RGS7: variants seen among roughly 807,000 people sequenced by gnomAD.
RGS7 encodes the protein regulator of G protein signaling 7, also known as regulator of G-protein signaling 7.
A neutral mutation model predicts 81.1 loss-of-function variants in RGS7; 27 were observed. The observed-to-expected ratio is 0.33, with a 90% CI of 0.25 to 0.46. RGS7 has a LOEUF of 0.46. Among genes scored for constraint, RGS7 ranks in the 20% least tolerant of loss-of-function variants. The pLI is 1.00. For missense variants in RGS7, 396 were observed against 607.4 expected (o/e 0.65, Z 3.66); for synonymous variants, 208 against 207.7 (o/e 1.00, Z -0.01).
chr1:240,921,844 T>C (rs1673598528), intron 6 of RGS7, among the ~76,000 whole-genome samples: 2 of 152,060 alleles, frequency 1.3e-5, no homozygotes, highest in South Asian at 4.1e-4. Context: ...GACCTGTGAA[T>C]TCAATGCAAT....
chr1:240,870,571 C>A (rs1664304741), intron 6 of RGS7, among the ~76,000 whole-genome samples: 1 of 152,088 alleles, frequency 6.6e-6, no homozygotes, highest in Admixed American at 6.6e-5. Flanking sequence ...TGGTCTTGAA[C>A]TCCTGGGCTC....
At chr1:241,237,785 G>A in intron 2 of RGS7, among the ~76,000 whole-genome samples, 1 of 152,254 alleles carries the variant, frequency 6.6e-6, no homozygotes, top group Middle Eastern at 3.4e-3. Flanking sequence ...ACAGGATAAA[G>A]CCTCCAGACA....
chr1:240,920,542 A>G (rs543317203), intron 6 of RGS7: 4 of 853,436 alleles, frequency 4.7e-6, no homozygotes. Flanking sequence ...TACTTTGTCA[A>G]ACCATGAAAC....
chr1:240,975,065 T>C (rs190698517), intron 4 of RGS7, among the ~76,000 whole-genome samples: 36 of 152,034 alleles, frequency 2.4e-4, no homozygotes, highest in Non-Finnish European at 4.0e-4. Flanking sequence ...CATGGGATGA[T>C]GGAGAGAAGG....
chr1:241,053,724 T>C (rs1021869039), intron 3 of RGS7, among the ~76,000 whole-genome samples: 1 of 152,222 alleles, frequency 6.6e-6, no homozygotes, highest in East Asian at 1.9e-4. Context: ...AATTCCCACA[T>C]GTTGTGGGAG....
At chr1:241,100,676 C>A (rs998922516) in intron 2 of RGS7, among the ~76,000 whole-genome samples, 7 of 152,136 alleles carry the variant, frequency 4.6e-5, no homozygotes, top group African/African-American at 1.7e-4. Flanking sequence ...GTAATAATTT[C>A]TTCATAGCGT....
At chr1:240,944,280 GTGTATATA>G (rs57279143) in intron 4 of RGS7, among the ~76,000 whole-genome samples, 19 of 21,170 alleles carry the variant, frequency 9.0e-4, no homozygotes, top group Admixed American at 1.8e-3. Flanking sequence ...GTGTGTGTGT[GTGTATATA>G]TATATATATA....
intron 10 of RGS7, among the ~76,000 whole-genome samples, chr1:240,824,022 A>G (rs1692324421): frequency 6.6e-6 from 1 of 152,164 alleles, no homozygotes; most frequent in Non-Finnish European, 1.5e-5. Flanking sequence ...ATTTTTACCT[A>G]TTTCCTTATA....
chr1:241,187,095 G>T (rs1209227559), intron 2 of RGS7, among the ~76,000 whole-genome samples: 1 of 151,892 alleles, frequency 6.6e-6, no homozygotes, highest in Non-Finnish European at 1.5e-5. Flanking sequence ...GTACTGAAAA[G>T]GTTATAATCA....
chr1:241,344,531 A>G (rs1020840279), intron 2 of RGS7, among the ~76,000 whole-genome samples: 1 of 152,232 alleles, frequency 6.6e-6, no homozygotes, highest in Non-Finnish European at 1.5e-5. Context: ...TCAGACTCAC[A>G]GAGGTAAAGT....
At chr1:241,169,336 C>CTTT (rs57753661) in intron 2 of RGS7, among the ~76,000 whole-genome samples, 15 of 74,270 alleles carry the variant, frequency 2.0e-4, no homozygotes, top group Non-Finnish European at 3.1e-4. Context: ...ATGTGTGTTT[C>CTTT]TTTTTTTTTT....
intron 2 of RGS7, among the ~76,000 whole-genome samples, chr1:241,223,241 A>C (rs1212846382): frequency 6.6e-6 from 1 of 152,208 alleles, no homozygotes; most frequent in Non-Finnish European, 1.5e-5. Flanking sequence ...GCTGGCAGCT[A>C]TAACAGTCAC....
chr1:241,100,808 C>A (rs2064682055), intron 2 of RGS7, among the ~76,000 whole-genome samples: 1 of 152,224 alleles, frequency 6.6e-6, no homozygotes, highest in Non-Finnish European at 1.5e-5. Flanking sequence ...TCCATGCACA[C>A]CCACGATATC....
At chr1:240,894,166 A>G (rs1365448408) in intron 6 of RGS7, among the ~76,000 whole-genome samples, 2 of 152,172 alleles carry the variant, frequency 1.3e-5, no homozygotes, top group Non-Finnish European at 2.9e-5. Flanking sequence ...AATTTTGGAG[A>G]TAGGCTACGT....
intron 2 of RGS7, among the ~76,000 whole-genome samples, chr1:241,284,844 T>C (rs1295156385): frequency 6.6e-6 from 1 of 152,044 alleles, no homozygotes; most frequent in Non-Finnish European, 1.5e-5. Flanking sequence ...TATCCAAAAG[T>C]TTCTGTCTTT....
chr1:241,101,778 C>CT (rs572624136), intron 2 of RGS7, among the ~76,000 whole-genome samples: 144 of 152,306 alleles, frequency 9.5e-4, no homozygotes, highest in African/African-American at 3.4e-3. Context: ...GTATTATCTG[C>CT]TTAACGGTTT....
chr1:240,821,036 G>A (rs996268050), intron 10 of RGS7, among the ~76,000 whole-genome samples: 2 of 152,172 alleles, frequency 1.3e-5, no homozygotes, highest in African/African-American at 4.8e-5. Flanking sequence ...GAGGAAGTCA[G>A]TACACAGAAA....
At chr1:241,305,877 A>G in intron 2 of RGS7, 1 of 259,356 alleles carries the variant, frequency 3.9e-6, no homozygotes, top group South Asian at 3.8e-5. Flanking sequence ...GCCATGGGGT[A>G]GTGCAGGACC....
chr1:241,078,637 A>C (rs2062963592), intron 3 of RGS7, among the ~76,000 whole-genome samples: 1 of 152,062 alleles, frequency 6.6e-6, no homozygotes, highest in African/African-American at 2.4e-5. Context: ...ACCAAGATTT[A>C]AATATCAGCT....
Sources: gnomAD v4.1 joint callset for allele counts (sites outside exome capture counted in the v4.1 genomes callset) on GRCh38, gnomAD v4.1.1 for gene constraint, MANE v1.5 for transcripts, NCBI Gene and HGNC (gene_info 2026-07-23, HGNC 2026-07-21) for gene names.